The following SNX29 variants were observed in gnomAD, a reference collection of about 807,000 sequenced individuals.
SNX29 encodes sorting nexin-29.
SNX29 carries 78 observed loss-of-function variants against 102.1 expected under a neutral mutation model. The observed-to-expected ratio is 0.76, with a 90% CI of 0.64 to 0.92. SNX29 has a LOEUF of 0.92. Among genes scored for constraint, SNX29 ranks in the 40% least tolerant of loss-of-function variants. The pLI, the probability that SNX29 is intolerant of heterozygous loss-of-function variation, is 0.00. For synonymous variants in SNX29, 580 were observed against 414.5 expected (o/e 1.40, Z -4.85); for missense variants, 1,280 against 1,061.7 (o/e 1.21, Z -2.86).
chr16:12,527,277 C>T, intron 20 of SNX29: 1 of 532,510 alleles, frequency 1.9e-6, no homozygotes, highest in Non-Finnish European at 3.7e-6. Context: ...TGATCGTGTC[C>T]TTTCTCCATG....
intron 15 of SNX29, among the ~76,000 whole-genome samples, chr16:12,335,667 C>T (rs923399418): frequency 6.6e-6 from 1 of 152,148 alleles, no homozygotes; most frequent in Non-Finnish European, 1.5e-5. Context: ...CGGAGTGAGA[C>T]CGTGTCAGCG....
intron 13 of SNX29, among the ~76,000 whole-genome samples, chr16:12,160,502 G>T (rs572555622): frequency 6.6e-6 from 1 of 152,238 alleles, no homozygotes; most frequent in Non-Finnish European, 1.5e-5. Context: ...AAACATCTAG[G>T]ATAAGCAAAT....
chr16:11,992,683 G>A (rs62037697), intron 1 of SNX29, among the ~76,000 whole-genome samples: 3 of 152,218 alleles, frequency 2.0e-5, no homozygotes, highest in Non-Finnish European at 4.4e-5. Flanking sequence ...CTCCAATGCA[G>A]CACCTGCTTG....
At chr16:12,348,145 C>G (rs551257614) in intron 15 of SNX29, among the ~76,000 whole-genome samples, 2 of 152,266 alleles carry the variant, frequency 1.3e-5, no homozygotes, top group Non-Finnish European at 2.9e-5. Context: ...ACAAGGTCAT[C>G]CAGCAGTGAG....
intron 14 of SNX29, among the ~76,000 whole-genome samples, chr16:12,236,026 T>C (rs1366702033): frequency 6.6e-6 from 1 of 152,218 alleles, no homozygotes; most frequent in Non-Finnish European, 1.5e-5. Context: ...TAAAACTCTC[T>C]GTTTCCTTCC....
chr16:12,451,858 C>T (rs1317718203), intron 18 of SNX29, among the ~76,000 whole-genome samples: 2 of 152,198 alleles, frequency 1.3e-5, no homozygotes, highest in Admixed American at 1.3e-4. Flanking sequence ...AGCAAGACTT[C>T]ATCTAAAAAT....
At chr16:12,548,886 A>C (rs1465178024) in intron 20 of SNX29, among the ~76,000 whole-genome samples, 1 of 152,168 alleles carries the variant, frequency 6.6e-6, no homozygotes, top group Admixed American at 6.5e-5. Context: ...TGAACCCTAC[A>C]CATAGCAGCA....
intron 20 of SNX29, among the ~76,000 whole-genome samples, chr16:12,534,782 TTAAC>T (rs2077026791): frequency 6.6e-6 from 1 of 152,180 alleles, no homozygotes; most frequent in Non-Finnish European, 1.5e-5. Flanking sequence ...CCTCTGGTTT[TTAAC>T]TAAGGGCAAT....
chr16:12,536,688 G>A (rs1455248658), intron 20 of SNX29, among the ~76,000 whole-genome samples: 1 of 152,146 alleles, frequency 6.6e-6, no homozygotes, highest in Non-Finnish European at 1.5e-5. Flanking sequence ...ATTAAGAGGT[G>A]TTCAGGGGGC....
chr16:12,375,057 A>G (rs1339311363), intron 16 of SNX29: 2 of 152,178 alleles, frequency 1.3e-5, no homozygotes, highest in Admixed American at 1.3e-4. Flanking sequence ...TCTTAAAAAA[A>G]AATGCATGGA....
intron 13 of SNX29, among the ~76,000 whole-genome samples, chr16:12,186,424 A>T (rs891744644): frequency 6.6e-6 from 1 of 152,244 alleles, no homozygotes; most frequent in African/African-American, 2.4e-5. Context: ...AGTTGCAAAC[A>T]TCATGACCAT....
chr16:12,565,203 C>G lies in SNX29; in HGVS notation c.2319-3303C>G, dbSNP rs143993599. ...CCCCCCACCTTCAGATTCTGCTATT[C>G]AGCCAGACAGCATTACCAGTATTAG... On this transcript the variant is annotated intron_variant, in intron 20 of 20. Transcript: ENST00000566228. Among the ~76,000 whole-genome samples the G allele has an allele frequency of 2.6e-5, 4 of 152,280 alleles. No individual in the cohort carries two copies. In the East Asian group the frequency reaches 5.8e-4, roughly 22 times the overall value.
chr16:12,164,434 C>T (rs948459662), intron 13 of SNX29, among the ~76,000 whole-genome samples: 22 of 152,106 alleles, frequency 1.4e-4, no homozygotes, highest in African/African-American at 1.9e-4. Flanking sequence ...CCTGTAGGTT[C>T]GTGATTTTGA....
At chr16:12,550,694 C>A (rs1018190275) in intron 20 of SNX29, among the ~76,000 whole-genome samples, 2 of 152,104 alleles carry the variant, frequency 1.3e-5, no homozygotes, top group African/African-American at 4.8e-5. Flanking sequence ...TTCATGTATT[C>A]ACCCCCCTCA....
chr16:12,020,325 C>G (rs1260321029), intron 3 of SNX29, among the ~76,000 whole-genome samples: 1 of 151,738 alleles, frequency 6.6e-6, no homozygotes, highest in East Asian at 1.9e-4. Context: ...GGGTTTCAGG[C>G]CACTGTGCCT....
At position 12,570,885 on chromosome 16, in the gene SNX29, A is replaced by C; in HGVS notation, c.*2256A>C. ...CTGCCTCCTACTTTTATAATACTGA[A>C]TTATTCACAAAAAACCTGGTCTGCT... On this transcript the variant is annotated 3_prime_UTR_variant, in exon 21 of 21. Transcript: ENST00000566228. 1 of 231,254 alleles carries C rather than the reference A, an allele frequency of 4.3e-6. No individual in the cohort carries two copies. Among genetic ancestry groups the C allele is most frequent in the Non-Finnish European group, 8.5e-6 (1 of 117,082 alleles). 14.3% of individuals were successfully genotyped at this position (231,254 alleles called of 1,614,324 possible). A position where few individuals can be genotyped will look rare whatever the true frequency, so the allele number is the denominator to read the frequency against.
chr16:12,256,313 G>T (rs2078572055), intron 14 of SNX29, among the ~76,000 whole-genome samples: 1 of 152,222 alleles, frequency 6.6e-6, no homozygotes, highest in Middle Eastern at 3.4e-3. Context: ...CTTCCATTTG[G>T]TAAGTTGTCT....
At chr16:12,304,548 A>G (rs929249419) in intron 15 of SNX29, among the ~76,000 whole-genome samples, 16 of 152,364 alleles carry the variant, frequency 1.1e-4, no homozygotes, top group Admixed American at 1.0e-3. Context: ...TTTTCTGGCC[A>G]GGGCTGAGCA....
chr16:12,399,122 C>T (rs1168804948), intron 17 of SNX29, among the ~76,000 whole-genome samples: 2 of 152,164 alleles, frequency 1.3e-5, no homozygotes. Context: ...ACGATCTCGG[C>T]TCATTGCACC....
Sources: allele counts gnomAD v4.1 joint callset (sites outside exome capture counted in the v4.1 genomes callset), GRCh38; gene constraint gnomAD v4.1.1; transcripts MANE v1.5; gene names NCBI Gene and HGNC (gene_info 2026-07-23, HGNC 2026-07-21).